Variants in ARHGAP44 observed in about 807,000 individuals in gnomAD.
ARHGAP44 encodes rho GTPase-activating protein 44.
ARHGAP44 carries 43 observed loss-of-function variants against 106.8 expected under a neutral mutation model. The ratio of observed to expected loss-of-function variants is 0.40; its 90% CI spans 0.32 to 0.52. ARHGAP44 has a LOEUF of 0.52. Among genes scored for constraint, ARHGAP44 ranks in the 20% least tolerant of loss-of-function variants. ARHGAP44 has a pLI of 0.48. For missense variants in ARHGAP44, 866 were observed against 1,050.5 expected (o/e 0.82, Z 2.43); for synonymous variants, 439 against 410.3 (o/e 1.07, Z -0.85).
At chr17:12,845,212 T>TA (rs11459997) in intron 1 of ARHGAP44, among the ~76,000 whole-genome samples, 44,542 of 151,584 alleles carry the variant, frequency 0.29, 9,761 homozygotes, top group African/African-American at 0.61. Context: ...TCATTTACTT[T>TA]AAAAAAAATC....
chr17:12,915,835 A>G, intron 4 of ARHGAP44, 65 bp from the exon 5 acceptor site: 1 of 1,374,892 alleles, frequency 7.3e-7, no homozygotes, highest in Non-Finnish European at 1.0e-6. Context: ...AGGTGAGGGG[A>G]GGGTAACGCC....
At chr17:12,965,428 G>C (rs953450184) in intron 16 of ARHGAP44, among the ~76,000 whole-genome samples, 1 of 152,168 alleles carries the variant, frequency 6.6e-6, no homozygotes, top group Non-Finnish European at 1.5e-5. Context: ...ACCTGTGCTT[G>C]AGAGCTGCAC....
rs2039735419 is a variant in ARHGAP44, at chr17:12,978,041, A to AAAAAAAAAAAAAAAAAAAC, written c.1764-2002_1764-2001insAAACAAAAAAAAAAAAAAA. Among the ~76,000 whole-genome samples, 2 of 143,346 alleles carry AAAAAAAAAAAAAAAAAAAC rather than the reference A, an allele frequency of 1.4e-5. 1 individual carries two copies. Among genetic ancestry groups the AAAAAAAAAAAAAAAAAAAC allele is most frequent in the South Asian group, 4.3e-4 (2 of 4,618 alleles). 94.0% of individuals were successfully genotyped at this position (143,346 alleles called of 152,430 possible). ...AACAGAGCAAGACTCCATCTCAAAA[A>AAAAAAAAAAAAAAAAAAAC]AAAAAAAAAAAAAAAGTGTGTTTCG... is the stretch of plus-strand genomic sequence containing the variant. On this transcript the variant is annotated intron_variant, in intron 18 of 20. Coordinates refer to ENST00000379672, the MANE Select transcript of ARHGAP44 (RefSeq NM_014859.6).
chr17:12,980,012 C>A, intron 18 of ARHGAP44, 46 bp from the exon 19 acceptor site: 2 of 1,539,434 alleles, frequency 1.3e-6, no homozygotes, highest in South Asian at 2.5e-5. Flanking sequence ...TGCTGCCGCT[C>A]ACTGAGTTCA....
At chr17:12,864,086 T>A (rs9892394) in intron 1 of ARHGAP44, among the ~76,000 whole-genome samples, 1,847 of 152,216 alleles carry the variant, frequency 0.012, 39 homozygotes, top group African/African-American at 0.04. Context: ...ACATTTTATT[T>A]GATGAAGCAG....
chr17:12,933,590 T>C (rs2150971280), intron 7 of ARHGAP44, among the ~76,000 whole-genome samples: 1 of 152,260 alleles, frequency 6.6e-6, no homozygotes. Context: ...AAAAGACCCC[T>C]GAATCAATAC....
At chr17:12,985,181 G>T (rs1319339078) in intron 20 of ARHGAP44, 2 of 408,446 alleles carry the variant, frequency 4.9e-6, no homozygotes, top group African/African-American at 4.1e-5. Flanking sequence ...ATTATCGGGG[G>T]TTGAAGACAC....
chr17:12,973,891 C>T, intron 17 of ARHGAP44, 198 bp from the exon 18 acceptor site: 1 of 643,344 alleles, frequency 1.6e-6, no homozygotes, highest in Non-Finnish European at 2.8e-6. Flanking sequence ...GACTGGGCTG[C>T]CCAGGGCTGT....
At chr17:12,901,594 T>C in intron 3 of ARHGAP44, among the ~76,000 whole-genome samples, 1 of 151,986 alleles carries the variant, frequency 6.6e-6, no homozygotes. Context: ...TGAGTGGATG[T>C]GGGCGTATGA....
rs187045522 is a variant in ARHGAP44 at position 12,881,734 on chromosome 17, C to T, written c.54-13206C>T. 2.6e-5 allele frequency among the ~76,000 whole-genome samples: 4 copies of T among 152,072 alleles called. No homozygotes were observed. The East Asian group carries it at 5.8e-4, about 22-fold the overall frequency. ...ATTTTGAGACAGGATCTCTCTGTTG[C>T]CCATGCTGGAGTACAGTGGTATGAT... is the stretch of plus-strand genomic sequence containing the variant. On this transcript the variant is annotated intron_variant, in intron 1 of 20. Coordinates refer to ENST00000379672, the MANE Select transcript of ARHGAP44 (RefSeq NM_014859.6).
rs1567668617 is a variant in ARHGAP44 at position 12,886,397 on chromosome 17, CTG to C, written c.54-8540_54-8539del. The stretch of plus-strand genomic sequence containing the variant: ...GATTTTGATTGGGATTGCATTTAAT[CTG>C]TGATCAGTTTGGGGAGAAGTGATAT... On this transcript the variant is annotated intron_variant, in intron 1 of 20. Transcript: ENST00000379672. Among the ~76,000 whole-genome samples the C allele has an allele frequency of 2.0e-5, 3 of 152,216 alleles. No individual in the cohort carries two copies. The East Asian group carries it at 5.8e-4, about 29-fold the overall frequency.
rs919148759 is a variant in ARHGAP44 at position 12,896,448 on chromosome 17, C to T, written c.135C>T (p.Ser45=). 2 of 1,609,710 alleles carry T rather than the reference C, an allele frequency of 1.2e-6. No individual in the cohort carries two copies. The highest frequency in any genetic ancestry group is 1.6e-4 in the Middle Eastern group (1 of 6,062). The change falls in exon 3 of 21, where the codon AGC becomes AGT. Residue 45 remains serine, a synonymous_variant. Coordinates refer to ENST00000379672, the MANE Select transcript of ARHGAP44 (RefSeq NM_014859.6). ...AGCTGGTGAAACAGGTGTCCCACAG[C>T]ACGCACAAGAAGCTCACCGCATGTC... The part of the protein sequence containing the change: ...RLELVKQVSH[S]THKKLTACLQ...
chr17:12,979,683 C>T (rs969939577), intron 18 of ARHGAP44, among the ~76,000 whole-genome samples: 3 of 152,226 alleles, frequency 2.0e-5, no homozygotes, highest in Non-Finnish European at 4.4e-5. Context: ...GTAGGAAAAG[C>T]ACTTTGGTGT....
At chr17:12,952,722 C>CTTTTTTTTTTTTTTTTTTTTTTTTTTT (rs201371135) in intron 13 of ARHGAP44, 141 bp downstream of exon 13, 1 of 286,330 alleles carries the variant, frequency 3.5e-6, no homozygotes, top group Admixed American at 5.6e-5. Flanking sequence ...TGCATGGTCT[C>CTTTTTTTTTTTTTTTTTTTTTTTTTTT]TTTTTTTTTT....
At chr17:12,924,778 C>T (rs2038186078) in intron 6 of ARHGAP44, among the ~76,000 whole-genome samples, 1 of 152,136 alleles carries the variant, frequency 6.6e-6, no homozygotes, top group Non-Finnish European at 1.5e-5. Context: ...GAAACAGCAG[C>T]CATCTGCAAG....
At chr17:12,869,970 C>T (rs763866761) in intron 1 of ARHGAP44, among the ~76,000 whole-genome samples, 4 of 150,136 alleles carry the variant, frequency 2.7e-5, no homozygotes, top group Admixed American at 6.6e-5. Context: ...AGATGAAGTA[C>T]AAACATAGAC....
chr17:12,894,495 G>C (rs146308293), intron 1 of ARHGAP44, among the ~76,000 whole-genome samples: 51 of 152,236 alleles, frequency 3.4e-4, no homozygotes, highest in African/African-American at 1.2e-3. Flanking sequence ...CATAACACTT[G>C]GTTGCCAGAC....
In ARHGAP44 at chr17:12,949,067, C is replaced by A; in HGVS notation, c.862-73C>A. On this transcript the variant is annotated intron_variant, in intron 10 of 20. Transcript: ENST00000379672. The surrounding 1 kb of genome is among the most constrained non-coding windows in gnomAD (Gnocchi z 4.1). ...AGAGGTTTTGGAGAAAAGAAGCAGG[C>A]AGTTGCGGGGTCTCTGCGCTTTGAT... 1 of 1,371,494 alleles carries A rather than the reference C, an allele frequency of 7.3e-7. No homozygotes were observed. The allele number at this position is 1,371,494 out of a possible 1,614,324, so 85.0% of individuals were successfully genotyped here.
chr17:12,971,294 G>A (rs1002097204), intron 16 of ARHGAP44, among the ~76,000 whole-genome samples: 17 of 152,146 alleles, frequency 1.1e-4, no homozygotes, highest in African/African-American at 4.1e-4. Flanking sequence ...ATGCTAGAAG[G>A]TACTGTTGGG....
Sources: gnomAD v4.1 joint callset for allele counts (sites outside exome capture counted in the v4.1 genomes callset) on GRCh38, gnomAD v4.1.1 for gene constraint, Gnocchi (gnomAD v3.1) non-coding constraint, MANE v1.5 for transcripts, NCBI Gene and HGNC (gene_info 2026-07-23, HGNC 2026-07-21) for gene names.